Variants in TKTL2 observed in about 807,000 individuals in gnomAD.
TKTL2 encodes the protein transketolase like 2, also known as transketolase-like protein 2.
For missense variants in TKTL2, 825 were observed against 799.4 expected (o/e 1.03, Z -0.39); for synonymous variants, 259 against 294.1 (o/e 0.88, Z 1.22).
chr4:163,472,050 G>A lies in TKTL2; in HGVS notation c.1685C>T (p.Thr562Ile). 1 of 1,614,190 alleles carries A rather than the reference G, an allele frequency of 6.2e-7. No individual in the cohort carries two copies. The highest frequency in any genetic ancestry group is 8.5e-7 in the Non-Finnish European group (1 of 1,180,022). ...ACCTTCCCTGTAGTGATCCTCCACT[G>A]TGATAACTCGGCCGCCTGTGGCTTT... ...SAKATGGRVI[T>I]VEDHYREGGI... Residue 562 changes from threonine (T) to isoleucine (I), a missense_variant, in exon 1 of 1, where the codon ACA becomes ATA. Thr to Ile is a moderately conservative substitution (Grantham distance 89, BLOSUM62 -1). Coordinates refer to ENST00000280605, the MANE Select transcript of TKTL2 (RefSeq NM_032136.5).
At position 163,472,134 on chromosome 4, in the gene TKTL2, C is replaced by T. The variant is rs762738942; in HGVS notation, c.1601G>A (p.Arg534His). 8.1e-6 allele frequency: 13 copies of T among 1,614,022 alleles called. No homozygotes were observed. The highest frequency in any genetic ancestry group is 1.6e-4 in the Middle Eastern group (1 of 6,084). ...TTTAATGGTAAATGGGTCGATGACA[C>T]GGACAGAAATACCTTGTTGAGAAAG... ...DHLSQQGISV[R>H]VIDPFTIKPL... The change falls in exon 1 of 1, where the codon CGT (arginine) becomes CAT (histidine). Residue 534 changes from arginine (R) to histidine (H), a missense_variant. Physicochemically the swap from Arg to His is conservative, Grantham distance 29 (BLOSUM62 0). Coordinates refer to ENST00000280605, the MANE Select transcript of TKTL2 (RefSeq NM_032136.5).
chr4:163,473,054 T>C lies in TKTL2; in HGVS notation c.681A>G (p.Gln227=), dbSNP rs753674398. ...TCACTTGACTTGCTTGCCAAAATGCTTGGCACAAGGCCTCCACATCATGGC... is the reference window on the plus strand; with the variant it reads ...TCACTTGACTTGCTTGCCAAAATGCCTGGCACAAGGCCTCCACATCATGGC... ...VDGHDVEALC[Q]AFWQASQVKN... Residue 227 remains glutamine (Q), a synonymous_variant, in exon 1 of 1, where the codon CAA becomes CAG. Transcript: ENST00000280605. The C allele has an allele frequency of 3.7e-6, 6 of 1,614,174 alleles. No homozygotes were observed. Among genetic ancestry groups the C allele is most frequent in the South Asian group, 1.1e-5 (1 of 91,076 alleles).
rs766123688 is a variant in TKTL2 at position 163,473,545 on chromosome 4, G to A, written c.190C>T (p.Pro64Ser). ...AACCGGTCGTTGTCCGGGTGTTCTG[G>A]GTCTGTCTGTTTATACTTCATCGTG... ...FHTMKYKQTD[P>S]EHPDNDRFIL... Residue 64 changes from proline (P) to serine (S), a missense_variant, in exon 1 of 1, where the codon CCA becomes TCA. Coordinates refer to ENST00000280605, the MANE Select transcript of TKTL2 (RefSeq NM_032136.5). The A allele has an allele frequency of 5.0e-6, 8 of 1,613,814 alleles. No homozygotes were observed. The highest frequency in any genetic ancestry group is 6.8e-6 in the Non-Finnish European group (8 of 1,180,000).
In TKTL2 at chr4:163,471,400, G is replaced by A. The variant is rs1179043892; in HGVS notation, c.*454C>T. 6.6e-6 allele frequency: 1 copy of A among 152,290 alleles called. No individual in the cohort carries two copies. Among genetic ancestry groups the A allele is most frequent in the Non-Finnish European group, 1.5e-5 (1 of 68,164 alleles). 9.4% of individuals were successfully genotyped at this position (152,290 alleles called of 1,614,324 possible). On this transcript the variant is annotated 3_prime_UTR_variant, in exon 1 of 1. Coordinates refer to ENST00000280605, the MANE Select transcript of TKTL2 (RefSeq NM_032136.5). ...GTCAAACATTATCTGTAAAACTGCA[G>A]GTATAAATGGCATTATACAAAAGCT...
At position 163,472,231 on chromosome 4, in the gene TKTL2, C is replaced by T. The variant is rs538337426; in HGVS notation, c.1504G>A (p.Gly502Ser). 21 of 1,614,046 alleles carry T rather than the reference C, an allele frequency of 1.3e-5. No individual in the cohort carries two copies. Among genetic ancestry groups the T allele is most frequent in the African/African-American group, 6.7e-5 (5 of 75,034 alleles). Residue 502 changes from glycine to serine, a missense_variant, in exon 1 of 1, where the codon GGT (glycine) becomes AGT (serine). Physicochemically the swap from Gly to Ser is moderately conservative, Grantham distance 56. Coordinates refer to ENST00000280605, the MANE Select transcript of TKTL2 (RefSeq NM_032136.5). ...EIGQAKVVRH[G>S]VNDKVTVIGA... ...ATTACTGTGACTTTATCATTGACACCGTGGCGGACCACCTTGGCCTGGCCA... is the reference window on the plus strand; with the variant it reads ...ATTACTGTGACTTTATCATTGACACTGTGGCGGACCACCTTGGCCTGGCCA...
Position 163,472,883 on chromosome 4 carries a change from G to C in TKTL2, c.852C>G (p.Thr284=). 6.2e-7 allele frequency: 1 copy of C among 1,603,140 alleles called. No homozygotes were observed. Among genetic ancestry groups the C allele is most frequent in the Non-Finnish European group, 8.5e-7 (1 of 1,175,154 alleles). Residue 284 remains threonine, a synonymous_variant, in exon 1 of 1, where the codon ACC becomes ACG. Transcript: ENST00000280605. The part of the protein sequence containing the change: ...IVKLIESQIQ[T]NENLIPKSPV... The stretch of plus-strand genomic sequence containing the variant: ...GCGATTTTGGTATGAGATTCTCATT[G>C]GTCTGTATCTGACTCTCAATTAATT...
chr4:163,472,938 A>C lies in TKTL2; in HGVS notation c.797T>G (p.Val266Gly). The change falls in exon 1 of 1, where the codon GTG becomes GGG. Residue 266 changes from valine (V) to glycine (G), a missense_variant. Coordinates refer to ENST00000280605, the MANE Select transcript of TKTL2 (RefSeq NM_032136.5). ...AATTGCATCTGCTCTTTCTTTTGGC[A>C]CTGGCTTTCCATGCCAATTTTCTGC... ...EDAENWHGKPVPKERADAIVK... is the reference protein window; with the variant it reads ...EDAENWHGKPGPKERADAIVK... 11 of 1,614,074 alleles carry C rather than the reference A, an allele frequency of 6.8e-6. No individual in the cohort carries two copies. The highest frequency in any genetic ancestry group is 9.3e-6 in the Non-Finnish European group (11 of 1,180,014).
At position 163,473,623 on chromosome 4, in the gene TKTL2, G is replaced by C; in HGVS notation, c.112C>G (p.Gln38Glu). 6.2e-7 allele frequency: 1 copy of C among 1,614,210 alleles called. No individual in the cohort carries two copies. The highest frequency in any genetic ancestry group is 8.5e-7 in the Non-Finnish European group (1 of 1,180,036). ...IRATCASGSG[Q>E]LTSCCSAAEV... The stretch of plus-strand genomic sequence containing the variant: ...GCTGCACTGCAGCACGACGTGAGCT[G>C]GCCAGAACCAGAGGCACACGTGGCC... Residue 38 changes from glutamine to glutamate, a missense_variant, in exon 1 of 1, where the codon CAG becomes GAG. By Grantham distance (29) the Gln-to-Glu change is conservative. Transcript: ENST00000280605.
chr4:163,471,832 A>T lies in TKTL2; in HGVS notation c.*22T>A. On this transcript the variant is annotated 3_prime_UTR_variant, in exon 1 of 1. Coordinates refer to ENST00000280605, the MANE Select transcript of TKTL2 (RefSeq NM_032136.5). ...TTTTGGGCCAAAGCCAATAGACTTGACTTTTTAGAAATAAGCCTAGTTTAC... is the reference window on the plus strand; with the variant it reads ...TTTTGGGCCAAAGCCAATAGACTTGTCTTTTTAGAAATAAGCCTAGTTTAC... The T allele has an allele frequency of 6.7e-7, 1 of 1,497,122 alleles. No individual in the cohort carries two copies. Among genetic ancestry groups the T allele is most frequent in the Non-Finnish European group, 8.9e-7 (1 of 1,121,696 alleles). The allele number at this position is 1,497,122 out of a possible 1,614,324, so 92.7% of individuals were successfully genotyped here.
chr4:163,471,780 A>C lies in TKTL2; in HGVS notation c.*74T>G. 1 of 1,234,386 alleles carries C rather than the reference A, an allele frequency of 8.1e-7. No homozygotes were observed. The highest frequency in any genetic ancestry group is 1.1e-6 in the Non-Finnish European group (1 of 897,068). The allele number at this position is 1,234,386 out of a possible 1,614,324, so 76.5% of individuals were successfully genotyped here. ...AAATAATGGTTTTGTGACAATAAAC[A>C]TGAATTTAATACAAAGATACCAGTG... On this transcript the variant is annotated 3_prime_UTR_variant, in exon 1 of 1. Transcript: ENST00000280605.
In TKTL2 at chr4:163,471,705, A is replaced by G. The variant is rs562709883; in HGVS notation, c.*149T>C. On this transcript the variant is annotated 3_prime_UTR_variant, in exon 1 of 1. Coordinates refer to ENST00000280605, the MANE Select transcript of TKTL2 (RefSeq NM_032136.5). ...TAATTTCCAAATTAGGAATGAAGAA[A>G]GATGTTAAATGGCTTTGCTTTAAAA... 1.9e-6 allele frequency: 1 copy of G among 515,582 alleles called. No individual in the cohort carries two copies. The highest frequency in any genetic ancestry group is 3.1e-6 in the Non-Finnish European group (1 of 318,984). The allele number at this position is 515,582 out of a possible 1,614,324, so 31.9% of individuals were successfully genotyped here.
At position 163,472,302 on chromosome 4, in the gene TKTL2, T is replaced by A. The variant is rs1180809597; in HGVS notation, c.1433A>T (p.Gln478Leu). 1 of 1,607,628 alleles carries A rather than the reference T, an allele frequency of 6.2e-7. No individual in the cohort carries two copies. The highest frequency in any genetic ancestry group is 1.1e-5 in the South Asian group (1 of 89,762). ...TKGMCFIRTS[Q>L]PETAVIYTPQ... ...GGTATAAATAACTGCAGTTTCTGGT[T>A]GGCTGGTTCGAATGAAGCACATTCC... Residue 478 changes from glutamine (Q) to leucine (L), a missense_variant, in exon 1 of 1, where the codon CAA (glutamine) becomes CTA (leucine). Coordinates refer to ENST00000280605, the MANE Select transcript of TKTL2 (RefSeq NM_032136.5).
Position 163,471,895 on chromosome 4 carries a change from T to C in TKTL2, c.1840A>G (p.Arg614Gly). The change falls in exon 1 of 1, where the codon AGA (arginine) becomes GGA (glycine). Residue 614 changes from arginine to glycine, a missense_variant. Physicochemically the swap from Arg to Gly is moderately radical, Grantham distance 125 (BLOSUM62 -2). Coordinates refer to ENST00000280605, the MANE Select transcript of TKTL2 (RefSeq NM_032136.5). ...ELLDMFGIST[R>G]HIIAAVTLTL... ...AGTGTTACGGCTGCTATAATGTGTC[T>C]GGTACTGATTCCAAACATATCCAGC... 6.4e-7 allele frequency: 1 copy of C among 1,572,072 alleles called. No homozygotes were observed. Among genetic ancestry groups the C allele is most frequent in the South Asian group, 1.2e-5 (1 of 82,212 alleles).
Position 163,471,891 on chromosome 4 carries a change from T to C in TKTL2, c.1844A>G (p.His615Arg). ...LLDMFGISTR[H>R]IIAAVTLTLM... ...AGTAAGTGTTACGGCTGCTATAATG[T>C]GTCTGGTACTGATTCCAAACATATC... Residue 615 changes from histidine to arginine, a missense_variant, in exon 1 of 1, where the codon CAC becomes CGC. His to Arg is a conservative substitution (Grantham distance 29). Coordinates refer to ENST00000280605, the MANE Select transcript of TKTL2 (RefSeq NM_032136.5). 6.5e-7 allele frequency: 1 copy of C among 1,540,296 alleles called. No individual in the cohort carries two copies. The highest frequency in any genetic ancestry group is 8.7e-7 in the Non-Finnish European group (1 of 1,144,708).
Position 163,472,327 on chromosome 4 carries a change from C to T in TKTL2, c.1408G>A (p.Gly470Arg), listed in dbSNP as rs747312226. 4 of 1,603,260 alleles carry T rather than the reference C, an allele frequency of 2.5e-6. No individual in the cohort carries two copies. Among genetic ancestry groups the T allele is most frequent in the Non-Finnish European group, 2.6e-6 (3 of 1,174,936 alleles). The stretch of plus-strand genomic sequence containing the variant: ...TGGCTGGTTCGAATGAAGCACATTC[C>T]CTTGGTATTGGCGGCTAGATAAATA... ...HAIYLAANTK[G>R]MCFIRTSQPE... Residue 470 changes from glycine (G) to arginine (R), a missense_variant, in exon 1 of 1, where the codon GGA (glycine) becomes AGA (arginine). Coordinates refer to ENST00000280605, the MANE Select transcript of TKTL2 (RefSeq NM_032136.5).
Position 163,472,862 on chromosome 4 carries a change from T to A in TKTL2, c.873A>T (p.Lys291Asn). ...TTTGAGGTGAGTCTTCCACAGGCGA[T>A]TTTGGTATGAGATTCTCATTGGTCT... is the stretch of plus-strand genomic sequence containing the variant. ...QIQTNENLIPKSPVEDSPQIS... is the reference protein window; with the variant it reads ...QIQTNENLIPNSPVEDSPQIS... Residue 291 changes from lysine to asparagine, a missense_variant, in exon 1 of 1, where the codon AAA becomes AAT. Physicochemically the swap from Lys to Asn is moderately conservative, Grantham distance 94. Coordinates refer to ENST00000280605, the MANE Select transcript of TKTL2 (RefSeq NM_032136.5). 6.3e-7 allele frequency: 1 copy of A among 1,588,002 alleles called. No individual in the cohort carries two copies. The highest frequency in any genetic ancestry group is 8.6e-7 in the Non-Finnish European group (1 of 1,168,306).
In TKTL2 at chr4:163,472,356, T is replaced by C. The variant is rs115262512; in HGVS notation, c.1379A>G (p.His460Arg). The C allele has an allele frequency of 2.7e-4, 431 of 1,599,082 alleles. 4 individuals carry two copies. The East Asian group carries it at 8.6e-3, about 32-fold the overall frequency. ...GGTATTGGCGGCTAGATAAATAGCA[T>C]GCTCTGTCGAGATGGCATCACTTGG... Reference protein sequence around the residue: ...FYPSDAISTEHAIYLAANTKG... With the variant: ...FYPSDAISTERAIYLAANTKG... Residue 460 changes from histidine (H) to arginine (R), a missense_variant, in exon 1 of 1, where the codon CAT (histidine) becomes CGT (arginine). By Grantham distance (29) the His-to-Arg change is conservative. Transcript: ENST00000280605.
At position 163,473,426 on chromosome 4, in the gene TKTL2, T is replaced by A; in HGVS notation, c.309A>T (p.Lys103Asn). The change falls in exon 1 of 1, where the codon AAA (lysine) becomes AAT (asparagine). Residue 103 changes from lysine (K) to asparagine (N), a missense_variant. By Grantham distance (94) the Lys-to-Asn change is moderately conservative. Coordinates refer to ENST00000280605, the MANE Select transcript of TKTL2 (RefSeq NM_032136.5). ...ISESDLLNLR[K>N]LHSDLERHPT... ...GGTGTCTCTCCAAGTCGCTGTGAAG[T>A]TTCCTCAGGTTCAGCAAGTCAGATT... The A allele has an allele frequency of 6.2e-7, 1 of 1,613,882 alleles. No homozygotes were observed. The highest frequency in any genetic ancestry group is 8.5e-7 in the Non-Finnish European group (1 of 1,179,984).
rs73866704 is a variant in TKTL2 at position 163,473,339 on chromosome 4, A to T, written c.396T>A (p.Thr132=). The T allele has an allele frequency of 1.7e-5, 28 of 1,613,936 alleles. No individual in the cohort carries two copies. The highest frequency in any genetic ancestry group is 2.3e-5 in the Non-Finnish European group (27 of 1,180,024). The part of the protein sequence containing the change: ...ATGSLGQGLG[T]ACGMAYTGKY... ...TGCCAGTATAAGCCATTCCACATGCAGTACCTAATCCCTGACCTAGGGACC... is the reference window on the plus strand; with the variant it reads ...TGCCAGTATAAGCCATTCCACATGCTGTACCTAATCCCTGACCTAGGGACC... Residue 132 remains threonine, a synonymous_variant, in exon 1 of 1, where the codon ACT becomes ACA. Coordinates refer to ENST00000280605, the MANE Select transcript of TKTL2 (RefSeq NM_032136.5).
Sources: gnomAD v4.1 joint callset for allele counts on GRCh38, gnomAD v4.1.1 for gene constraint, MANE v1.5 for transcripts, NCBI Gene and HGNC (gene_info 2026-07-23, HGNC 2026-07-21) for gene names.